Variants in SLC9B2 observed in about 807,000 individuals in gnomAD.
SLC9B2 encodes the protein sodium/hydrogen exchanger 9B2.
SLC9B2 carries 39 observed loss-of-function variants against 52.2 expected under a neutral mutation model. That is an observed-to-expected ratio of 0.75 (90% CI 0.58 to 0.98). SLC9B2 has a LOEUF of 0.98. Among genes scored for constraint, SLC9B2 ranks in the 50% least tolerant of loss-of-function variants. The pLI, the probability that SLC9B2 is intolerant of heterozygous loss-of-function variation, is 0.00. For synonymous variants in SLC9B2, 214 were observed against 227.0 expected, an observed-to-expected ratio of 0.94 and a Z score of 0.51; for missense variants, 626 against 637.5, an observed-to-expected ratio of 0.98 and a Z score of 0.19.
intron 2 of SLC9B2, 61 bp from the exon 3 acceptor site, chr4:103,066,568 G>A: frequency 6.9e-7 from 1 of 1,453,682 alleles, no homozygotes; most frequent in East Asian, 2.3e-5. Context: ...ATATTTATAG[G>A]TACTGCATCA....
chr4:103,042,210 CG>C (rs994766181), intron 9 of SLC9B2: 1 of 151,954 alleles, frequency 6.6e-6, no homozygotes, highest in Non-Finnish European at 1.5e-5. Context: ...AAATTTGTAA[CG>C]TTTCCATATT....
At chr4:103,074,904 C>T (rs1019096169) in intron 1 of SLC9B2, among the ~76,000 whole-genome samples, 8 of 151,732 alleles carry the variant, frequency 5.3e-5, no homozygotes, top group African/African-American at 2.0e-4. Context: ...AACTGTCTCC[C>T]TCGTTTTCCT....
Position 103,029,332 on chromosome 4 carries a change from A to G in SLC9B2, c.1256-449T>C, listed in dbSNP as rs867399591. ...TAAACAACCAATTCATAGACTATAC[A>G]GTAAGTGAGGTATAAACAAACTAAG... On this transcript the variant is annotated intron_variant, in intron 10 of 11. Coordinates refer to ENST00000394785, the MANE Select transcript of SLC9B2 (RefSeq NM_178833.7). Among the ~76,000 whole-genome samples, 6 of 152,334 alleles carry G rather than the reference A, an allele frequency of 3.9e-5. No individual in the cohort carries two copies. The South Asian group carries it at 1.2e-3, about 32-fold the overall frequency.
chr4:103,048,623 C>G (rs147063560), intron 6 of SLC9B2: 138 of 286,318 alleles, frequency 4.8e-4, no homozygotes, highest in African/African-American at 2.9e-3. Context: ...TAGGTGGAAT[C>G]CGGTATCTCT....
intron 9 of SLC9B2, among the ~76,000 whole-genome samples, chr4:103,035,311 ATCT>A (rs1743069183): frequency 1.3e-5 from 2 of 152,104 alleles, no homozygotes; most frequent in Non-Finnish European, 1.5e-5. Context: ...AAAGGACATG[ATCT>A]TCTTTTTTAT....
rs267599966 is a variant in SLC9B2, at chr4:103,048,982, G to A, written c.624C>T (p.Ser208=). 6.2e-7 allele frequency: 1 copy of A among 1,613,888 alleles called. No homozygotes were observed. The highest frequency in any genetic ancestry group is 8.5e-7 in the Non-Finnish European group (1 of 1,179,874). Residue 208 remains serine, a synonymous_variant, in exon 6 of 12, where the codon TCC becomes TCT. Coordinates refer to ENST00000394785, the MANE Select transcript of SLC9B2 (RefSeq NM_178833.7). The part of the protein sequence containing the change: ...KKLKGVCVRL[S]MGPCIVEACT... ...ACGCCTCCACAATACAGGGACCCAT[G>A]GACAGTCTTACACAAACGCCCTTTA...
At position 103,076,567 on chromosome 4, in the gene SLC9B2, C is replaced by A. The variant is rs1407481763; in HGVS notation, c.-426G>T. The A allele has an allele frequency of 6.6e-6, 1 of 152,250 alleles. No homozygotes were observed. The highest frequency in any genetic ancestry group is 1.9e-4 in the East Asian group (1 of 5,182). The allele number at this position is 152,250 out of a possible 1,614,324, so 9.4% of individuals were successfully genotyped here. A position where few individuals can be genotyped will look rare whatever the true frequency, so the allele number is the denominator to read the frequency against. On this transcript the variant is annotated 5_prime_UTR_variant, in exon 1 of 12. Transcript: ENST00000394785. Reference sequence around the variant, plus strand: ...CGATGCCTGGTGCGCGTGGCTTCCCCCGGAAAGGTGGCGCCAGGCCGACCA... The same window carrying A: ...CGATGCCTGGTGCGCGTGGCTTCCCACGGAAAGGTGGCGCCAGGCCGACCA...
chr4:103,045,433 C>A (rs539528253), intron 7 of SLC9B2, among the ~76,000 whole-genome samples: 3 of 151,888 alleles, frequency 2.0e-5, no homozygotes, highest in African/African-American at 7.2e-5. Flanking sequence ...GTGATAGTAG[C>A]ATTATGCTTA....
At chr4:103,039,749 G>A (rs1743475294) in intron 9 of SLC9B2, among the ~76,000 whole-genome samples, 1 of 149,888 alleles carries the variant, frequency 6.7e-6, no homozygotes, top group South Asian at 2.1e-4. Flanking sequence ...CCAGGTTCAA[G>A]CAATTCTCTG....
At chr4:103,032,195 G>A (rs1215686136) in intron 9 of SLC9B2, among the ~76,000 whole-genome samples, 4 of 151,882 alleles carry the variant, frequency 2.6e-5, no homozygotes, top group African/African-American at 9.7e-5. Context: ...GATTTAGAGA[G>A]CTTGCAATAT....
intron 3 of SLC9B2, among the ~76,000 whole-genome samples, chr4:103,064,284 T>C (rs1376559846): frequency 6.6e-6 from 1 of 152,174 alleles, no homozygotes; most frequent in Non-Finnish European, 1.5e-5. Context: ...AGAAAATATG[T>C]GTATATACAC....
Position 103,066,272 on chromosome 4 carries a change from A to C in SLC9B2, c.271+55T>G. The C allele has an allele frequency of 1.9e-6, 3 of 1,559,370 alleles. No homozygotes were observed. In the South Asian group the frequency reaches 3.5e-5, roughly 18 times the overall value. ...GTCCTTTCAACCATATTATTTAGTAATCTGCCATTATAACAACTTCATCTT... is the reference window on the plus strand; with the variant it reads ...GTCCTTTCAACCATATTATTTAGTACTCTGCCATTATAACAACTTCATCTT... On this transcript the variant is annotated intron_variant, in intron 3 of 11. Coordinates refer to ENST00000394785, the MANE Select transcript of SLC9B2 (RefSeq NM_178833.7).
intron 3 of SLC9B2, among the ~76,000 whole-genome samples, chr4:103,061,038 C>T (rs998726127): frequency 1.5e-4 from 23 of 152,144 alleles, no homozygotes; most frequent in African/African-American, 5.6e-4. Context: ...TTAGACTTCT[C>T]CCAACCTGGG....
downstream of SLC9B2, chr4:103,019,619 C>G (rs752310434): frequency 1.0e-6 from 1 of 985,484 alleles, no homozygotes; most frequent in Non-Finnish European, 1.2e-6. Context: ...TTTCGCAGCC[C>G]TCGCTGGCCC....
chr4:103,066,503 T>C lies in SLC9B2; in HGVS notation c.95A>G (p.Glu32Gly). ...TPSMHQEAQE[E>G]TVMKLKGIDA... ...TATACCTTTGAGCTTCATAACTGTC[T>C]CCTCCTGTGTTTAAAGTAATTTTAA... Residue 32 changes from glutamate (E) to glycine (G), a missense_variant, in exon 3 of 12, where the codon GAG (glutamate) becomes GGG (glycine). Transcript: ENST00000394785. 6.2e-7 allele frequency: 1 copy of C among 1,610,544 alleles called. No homozygotes were observed. Among genetic ancestry groups the C allele is most frequent in the Non-Finnish European group, 8.5e-7 (1 of 1,178,818 alleles).
intron 8 of SLC9B2, among the ~76,000 whole-genome samples, chr4:103,043,928 TTTTC>T (rs1022757465): frequency 1.3e-5 from 2 of 152,212 alleles, no homozygotes; most frequent in Non-Finnish European, 2.9e-5. Context: ...CCCCCTTGGT[TTTTC>T]TTTCTAAATC....
intron 3 of SLC9B2, among the ~76,000 whole-genome samples, chr4:103,061,925 A>C (rs927128225): frequency 3.3e-5 from 5 of 152,210 alleles, no homozygotes; most frequent in African/African-American, 1.2e-4. Flanking sequence ...GAATTGTTCC[A>C]GATTTTCTAG....
At position 103,050,390 on chromosome 4, in the gene SLC9B2, G is replaced by A. The variant is rs576970347; in HGVS notation, c.443-8C>T. 35 of 1,567,598 alleles carry A rather than the reference G, an allele frequency of 2.2e-5. No homozygotes were observed. Among genetic ancestry groups the A allele is most frequent in the South Asian group, 1.3e-4 (11 of 82,796 alleles). On this transcript the variant is annotated splice_region_variant and splice_polypyrimidine_tract_variant and intron_variant, in intron 4 of 11. Transcript: ENST00000394785. ...ACCCTGCAAGCAGCATGCCTTGAAC[G>A]AAGAAATCAAACATATCTAGTTAGT...
At chr4:103,052,034 A>G (rs1744730808) in intron 4 of SLC9B2, among the ~76,000 whole-genome samples, 1 of 152,232 alleles carries the variant, frequency 6.6e-6, no homozygotes, top group Non-Finnish European at 1.5e-5. Context: ...CAAGTATTTA[A>G]GTGCCTGCTA....
Sources: allele counts gnomAD v4.1 joint callset (sites outside exome capture counted in the v4.1 genomes callset), GRCh38; gene constraint gnomAD v4.1.1; transcripts MANE v1.5; gene names NCBI Gene and HGNC (gene_info 2026-07-23, HGNC 2026-07-21).